CEP162: variants seen among roughly 807,000 people sequenced by gnomAD.
CEP162 encodes the protein centrosomal protein of 162 kDa.
In CEP162, 141 loss-of-function variants were observed where a neutral mutation model predicts 169.2. That is an observed-to-expected ratio of 0.83 (90% CI 0.73 to 0.96). CEP162 has a LOEUF of 0.96. Ranked by LOEUF, CEP162 falls within the 40% of genes least tolerant of loss-of-function variation. CEP162 has a pLI of 0.00. For synonymous variants in CEP162, 540 were observed against 526.4 expected, an observed-to-expected ratio of 1.03 and a Z score of -0.35; for missense variants, 1,600 against 1,587.2, an observed-to-expected ratio of 1.01 and a Z score of -0.14.
chr6:84,135,175 T>C (rs558424276), intron 25 of CEP162, among the ~76,000 whole-genome samples: 3 of 152,236 alleles, frequency 2.0e-5, no homozygotes, highest in Non-Finnish European at 4.4e-5. Flanking sequence ...TACTAATTAT[T>C]ATGTATTAAT....
intron 22 of CEP162, among the ~76,000 whole-genome samples, chr6:84,153,987 C>T (rs993110441): frequency 4.0e-4 from 61 of 152,124 alleles, no homozygotes; most frequent in African/African-American, 1.3e-3. Context: ...CATTTATGTT[C>T]GGTCTTGAGA....
chr6:84,169,220 AT>A (rs939354805), intron 18 of CEP162, 107 bp downstream of exon 18: 4 of 673,140 alleles, frequency 5.9e-6, no homozygotes, highest in African/African-American at 5.6e-5. Context: ...AAATTTATAG[AT>A]TTTTTAATAC....
chr6:84,218,369 C>T (rs1299741306), intron 3 of CEP162, among the ~76,000 whole-genome samples: 1 of 152,190 alleles, frequency 6.6e-6, no homozygotes, highest in East Asian at 1.9e-4. Flanking sequence ...TTGGACCGTG[C>T]TCGTCCTCAT....
chr6:84,137,673 CTT>C (rs1310269625), intron 25 of CEP162, among the ~76,000 whole-genome samples: 1 of 152,110 alleles, frequency 6.6e-6, no homozygotes, highest in Admixed American at 6.5e-5. Context: ...AGATTCATGT[CTT>C]TTCTCTACAA....
chr6:84,126,427 A>C lies in CEP162; in HGVS notation c.3956T>G (p.Ile1319Ser). The change falls in exon 26 of 27, where the codon ATT (isoleucine) becomes AGT (serine). Residue 1319 changes from isoleucine to serine, a missense_variant. By Grantham distance (142) the Ile-to-Ser change is moderately radical. Transcript: ENST00000403245. Reference sequence around the variant, plus strand: ...TGCATGTCTCATTTCCATCTGCTTAATTTTCTTTTCTAAGCCCACGAAATG... The same window carrying C: ...TGCATGTCTCATTTCCATCTGCTTACTTTTCTTTTCTAAGCCCACGAAATG... Reference protein sequence around the residue: ...MKHFVGLEKKIKQMEMRHAQR... With the variant: ...MKHFVGLEKKSKQMEMRHAQR... The C allele has an allele frequency of 1.2e-6, 2 of 1,601,506 alleles. No individual in the cohort carries two copies. Among genetic ancestry groups the C allele is most frequent in the Non-Finnish European group, 1.7e-6 (2 of 1,173,562 alleles).
chr6:84,185,682 C>T (rs780487310), intron 12 of CEP162, among the ~76,000 whole-genome samples: 3 of 151,404 alleles, frequency 2.0e-5, no homozygotes, highest in Non-Finnish European at 4.4e-5. Flanking sequence ...GCAAAATTAG[C>T]TTGCCAGAAA....
At position 84,161,846 on chromosome 6, in the gene CEP162, T is replaced by A. The variant is rs2099525907; in HGVS notation, c.2576A>T (p.Gln859Leu). The change falls in exon 20 of 27, where the codon CAA becomes CTA. Residue 859 changes from glutamine (Q) to leucine (L), a missense_variant. By Grantham distance (113) the Gln-to-Leu change is moderately radical. Transcript: ENST00000403245. ...ETHKQEISRL[Q>L]KRLQWYAENQ... ...TTCAGCATACCACTGTAATCTTTTTTGCAGACGACTGATTTCTTGTTTATG... is the reference window on the plus strand; with the variant it reads ...TTCAGCATACCACTGTAATCTTTTTAGCAGACGACTGATTTCTTGTTTATG... 1.3e-6 allele frequency: 2 copies of A among 1,588,118 alleles called. No individual in the cohort carries two copies. The highest frequency in any genetic ancestry group is 2.3e-5 in the South Asian group (2 of 87,974).
chr6:84,126,754 C>T (rs1003135008), intron 25 of CEP162, among the ~76,000 whole-genome samples: 1 of 152,104 alleles, frequency 6.6e-6, no homozygotes, highest in African/African-American at 2.4e-5. Context: ...CCAAGTATGG[C>T]AGTCTGGTAA....
At chr6:84,171,063 T>C (rs1457330072) in intron 17 of CEP162, among the ~76,000 whole-genome samples, 3 of 152,160 alleles carry the variant, frequency 2.0e-5, no homozygotes, top group Non-Finnish European at 4.4e-5. Flanking sequence ...GGGAGGAGAA[T>C]GAAGCCAGTC....
Position 84,125,230 on chromosome 6 carries a change from T to C in CEP162, c.4052A>G (p.Glu1351Gly). The change falls in exon 27 of 27, where the codon GAA becomes GGA. Residue 1351 changes from glutamate (E) to glycine (G), a missense_variant. Physicochemically the swap from Glu to Gly is moderately conservative, Grantham distance 98 (BLOSUM62 -2). Transcript: ENST00000403245. ...HQVVETEQNK[E>G]VEKWKRLAQL... The stretch of plus-strand genomic sequence containing the variant: ...TGCCAGTCTTTTCCATTTTTCAACT[T>C]CTTTGTTTTGCTCAGTTTCTACTAC... 1 of 1,613,618 alleles carries C rather than the reference T, an allele frequency of 6.2e-7. No individual in the cohort carries two copies. The highest frequency in any genetic ancestry group is 8.5e-7 in the Non-Finnish European group (1 of 1,179,674).
intron 3 of CEP162, chr6:84,217,832 G>A (rs899366568): frequency 1.3e-5 from 2 of 152,178 alleles, no homozygotes; most frequent in Non-Finnish European, 2.9e-5. Flanking sequence ...TGAGGAATGA[G>A]GAGGAATAAC....
At chr6:84,193,567 TA>T in intron 11 of CEP162, 41 bp downstream of exon 11, 1 of 1,240,202 alleles carries the variant, frequency 8.1e-7, no homozygotes, top group South Asian at 1.3e-5. Flanking sequence ...CAAATGACTA[TA>T]AAAGTTTCCA....
In CEP162 at chr6:84,152,735, C is replaced by A. The variant is rs1434588281; in HGVS notation, c.3439G>T (p.Ala1147Ser). 1 of 1,613,022 alleles carries A rather than the reference C, an allele frequency of 6.2e-7. No individual in the cohort carries two copies. The highest frequency in any genetic ancestry group is 1.3e-5 in the African/African-American group (1 of 74,888). The part of the protein sequence containing the change: ...KDVLHSSKGN[A>S]NSFPGTLDSK... ...TCCAGGGTTCCAGGGAAGGAGTTAG[C>A]ATTTCCTTTACTTGAGTGCAAAACA... The change falls in exon 23 of 27, where the codon GCT becomes TCT. Residue 1147 changes from alanine to serine, a missense_variant. By Grantham distance (99) the Ala-to-Ser change is moderately conservative. Transcript: ENST00000403245.
chr6:84,128,851 C>T (rs2099510034), intron 25 of CEP162, among the ~76,000 whole-genome samples: 3 of 147,094 alleles, frequency 2.0e-5, no homozygotes, highest in South Asian at 4.4e-4. Flanking sequence ...TAACCCCCAA[C>T]CCCCCGACAG....
intron 23 of CEP162, among the ~76,000 whole-genome samples, chr6:84,151,595 C>T (rs530389221): frequency 4.6e-5 from 7 of 151,974 alleles, no homozygotes; most frequent in South Asian, 2.1e-4. Flanking sequence ...TCACAGAAAC[C>T]GTAAGAATGG....
chr6:84,171,417 C>T (rs2099530066), intron 17 of CEP162, among the ~76,000 whole-genome samples, 189 bp downstream of exon 17: 1 of 151,984 alleles, frequency 6.6e-6, no homozygotes, highest in Non-Finnish European at 1.5e-5. Context: ...AAAATACTAT[C>T]AAGTATGTGC....
At chr6:84,170,316 G>A (rs537038186) in intron 17 of CEP162, among the ~76,000 whole-genome samples, 1 of 142,972 alleles carries the variant, frequency 7.0e-6, no homozygotes, top group Non-Finnish European at 1.5e-5. Context: ...AGAGCTTGCA[G>A]TGAGCCGAGA....
chr6:84,182,598 G>A (rs960882115), intron 13 of CEP162, among the ~76,000 whole-genome samples: 4 of 152,086 alleles, frequency 2.6e-5, no homozygotes, highest in Non-Finnish European at 5.9e-5. Context: ...TCATTAAGAT[G>A]GATGCAAAAA....
chr6:84,163,169 G>A lies in CEP162; in HGVS notation c.2487C>T (p.Ala829=). The A allele has an allele frequency of 6.2e-7, 1 of 1,613,298 alleles. No homozygotes were observed. Among genetic ancestry groups the A allele is most frequent in the African/African-American group, 1.3e-5 (1 of 74,966 alleles). ...FEKMKKERDQ[A]KDQIAYVTGE... Reference sequence around the variant, plus strand: ...CTGTGACATAAGCAATCTGATCTTTGGCTTGGTCCCTCTCTTTCTTCATTT... The same window carrying A: ...CTGTGACATAAGCAATCTGATCTTTAGCTTGGTCCCTCTCTTTCTTCATTT... The change falls in exon 19 of 27, where the codon GCC becomes GCT. Residue 829 remains alanine (A), a synonymous_variant. Coordinates refer to ENST00000403245, the MANE Select transcript of CEP162 (RefSeq NM_014895.4).
Sources: allele counts gnomAD v4.1 joint callset (sites outside exome capture counted in the v4.1 genomes callset), GRCh38; gene constraint gnomAD v4.1.1; transcripts MANE v1.5; gene names NCBI Gene and HGNC (gene_info 2026-07-23, HGNC 2026-07-21).